Variants in SORCS3 observed in about 807,000 individuals in gnomAD.
SORCS3 encodes sortilin related VPS10 domain containing receptor 3.
Under a neutral mutation model 146.3 loss-of-function variants are expected in SORCS3, and 57 were observed. That is an observed-to-expected ratio of 0.39 (90% CI 0.31 to 0.49). The LOEUF (loss-of-function observed/expected upper bound fraction) is 0.49, where lower values mean the gene tolerates loss of function less well. Among genes scored for constraint, SORCS3 ranks in the 20% least tolerant of loss-of-function variants. The probability of loss-of-function intolerance (pLI) is 0.92; values close to 1 mark genes in which losing one functional copy is unlikely to be tolerated. For missense variants in SORCS3, 1,341 were observed against 1,575.5 expected (o/e 0.85, Z 2.52); for synonymous variants, 653 against 618.5 (o/e 1.06, Z -0.83).
chr10:104,756,487 G>C, intron 1 of SORCS3, among the ~76,000 whole-genome samples: 1 of 152,196 alleles, frequency 6.6e-6, no homozygotes, highest in South Asian at 2.1e-4. Context: ...AGTTCAGCAG[G>C]GGTAAATAAC....
At chr10:105,119,992 A>G (rs987172940) in intron 7 of SORCS3, among the ~76,000 whole-genome samples, 1 of 152,186 alleles carries the variant, frequency 6.6e-6, no homozygotes, top group Non-Finnish European at 1.5e-5. Flanking sequence ...GGGAGGGGCC[A>G]GGGGCAGAAT....
chr10:104,693,444 C>T (rs1236546051), intron 1 of SORCS3, among the ~76,000 whole-genome samples: 1 of 152,132 alleles, frequency 6.6e-6, no homozygotes, highest in Non-Finnish European at 1.5e-5. Flanking sequence ...TATTTATAAG[C>T]CAACATACTT....
intron 17 of SORCS3, among the ~76,000 whole-genome samples, chr10:105,213,686 T>C (rs1299011873): frequency 6.6e-6 from 1 of 152,204 alleles, no homozygotes; most frequent in Non-Finnish European, 1.5e-5. Context: ...CATGGTGTCA[T>C]TGTACATAAT....
At chr10:105,223,287 A>C (rs376374071) in intron 20 of SORCS3, 38 bp downstream of exon 20, 13 of 1,556,588 alleles carry the variant, frequency 8.4e-6, no homozygotes, top group African/African-American at 4.1e-5. Context: ...TTAGATCTGT[A>C]CTGAATGCTC....
At chr10:105,144,831 G>A (rs987720775) in intron 8 of SORCS3, among the ~76,000 whole-genome samples, 3 of 152,054 alleles carry the variant, frequency 2.0e-5, no homozygotes, top group African/African-American at 7.2e-5. Context: ...TATTGTTCAG[G>A]TCTCTATTGG....
At chr10:104,778,248 A>G (rs2133489487) in intron 1 of SORCS3, among the ~76,000 whole-genome samples, 1 of 152,284 alleles carries the variant, frequency 6.6e-6, no homozygotes, top group African/African-American at 2.4e-5. Flanking sequence ...TTCTATACCA[A>G]TTAACAAATT....
At chr10:104,882,822 A>G (rs1425115575) in intron 2 of SORCS3, among the ~76,000 whole-genome samples, 1 of 152,258 alleles carries the variant, frequency 6.6e-6, no homozygotes, top group Non-Finnish European at 1.5e-5. Flanking sequence ...CAGAAAAGCT[A>G]GTGAACATTT....
At chr10:105,035,910 T>G (rs2055303170) in intron 4 of SORCS3, among the ~76,000 whole-genome samples, 1 of 152,220 alleles carries the variant, frequency 6.6e-6, no homozygotes, top group African/African-American at 2.4e-5. Flanking sequence ...TTGTTCTGCT[T>G]TTATAGCCTT....
intron 1 of SORCS3, among the ~76,000 whole-genome samples, chr10:104,778,426 A>C (rs2133489662): frequency 6.6e-6 from 1 of 152,340 alleles, no homozygotes; most frequent in Middle Eastern, 3.4e-3. Flanking sequence ...TCTGGATTTT[A>C]ATGTCAGCTC....
intron 1 of SORCS3, among the ~76,000 whole-genome samples, chr10:104,704,087 A>G (rs564992849): frequency 3.3e-5 from 5 of 152,050 alleles, no homozygotes; most frequent in Admixed American, 3.3e-4. Context: ...TAACATGGTT[A>G]TTTAAAACTC....
chr10:105,136,622 A>T (rs917506413), intron 7 of SORCS3, among the ~76,000 whole-genome samples: 5 of 152,198 alleles, frequency 3.3e-5, no homozygotes, highest in African/African-American at 1.2e-4. Context: ...TAATTGAGAG[A>T]TAGGAGAAAT....
At chr10:104,933,834 G>A (rs1183181745) in intron 3 of SORCS3, among the ~76,000 whole-genome samples, 1 of 152,020 alleles carries the variant, frequency 6.6e-6, no homozygotes, top group Non-Finnish European at 1.5e-5. Flanking sequence ...TTACTCTGTA[G>A]CCCAGGCTGG....
chr10:104,733,742 G>C (rs2016735684), intron 1 of SORCS3, among the ~76,000 whole-genome samples: 1 of 152,168 alleles, frequency 6.6e-6, no homozygotes, highest in African/African-American at 2.4e-5. Context: ...GTGCTTTGCT[G>C]TGAAGCCCAA....
intron 7 of SORCS3, among the ~76,000 whole-genome samples, chr10:105,129,331 C>CTCTTTTTTTTTTTTTTTT (rs1172062304): frequency 1.9e-5 from 2 of 104,634 alleles, no homozygotes; most frequent in African/African-American, 7.8e-5. Context: ...CTTTCTTTCT[C>CTCTTTTTTTTTTTTTTTT]TTTTTTTTTT....
At chr10:105,125,499 C>T (rs2055966922) in intron 7 of SORCS3, among the ~76,000 whole-genome samples, 1 of 152,096 alleles carries the variant, frequency 6.6e-6, no homozygotes, top group African/African-American at 2.4e-5. Flanking sequence ...GGCACCAGAG[C>T]CTTCTTTCTC....
At chr10:104,720,167 C>A (rs190026859) in intron 1 of SORCS3, among the ~76,000 whole-genome samples, 10 of 152,160 alleles carry the variant, frequency 6.6e-5, no homozygotes, top group Admixed American at 6.6e-4. Flanking sequence ...TCATGTTCCC[C>A]TTCCTGTGTC....
intron 5 of SORCS3, among the ~76,000 whole-genome samples, chr10:105,060,394 G>T (rs538663539): frequency 6.6e-5 from 10 of 152,158 alleles, no homozygotes; most frequent in Non-Finnish European, 1.5e-4. Flanking sequence ...TAACTTAGAG[G>T]CTTTAAATGC....
At chr10:105,158,870 A>G (rs769446275) in intron 10 of SORCS3, 22 bp from the exon 11 acceptor site, 3 of 1,583,100 alleles carry the variant, frequency 1.9e-6, no homozygotes, top group Admixed American at 1.7e-5. Context: ...CTAGAATGAA[A>G]CTATTTCTTT....
At chr10:105,220,438 G>T (rs1432356756) in intron 19 of SORCS3, among the ~76,000 whole-genome samples, 1 of 152,104 alleles carries the variant, frequency 6.6e-6, no homozygotes, top group East Asian at 1.9e-4. Context: ...CTTTCACTGA[G>T]CCAAGGCCCC....
Sources: gnomAD v4.1 joint callset for allele counts (sites outside exome capture counted in the v4.1 genomes callset) on GRCh38, gnomAD v4.1.1 for gene constraint, MANE v1.5 for transcripts, NCBI Gene and HGNC (gene_info 2026-07-23, HGNC 2026-07-21) for gene names.